Variants in SUPT3H observed in about 807,000 individuals in gnomAD.
SUPT3H encodes the protein SPT3 homolog, SAGA and STAGA complex component.
Under a neutral mutation model 44.3 loss-of-function variants are expected in SUPT3H, and 44 were observed. The ratio of observed to expected loss-of-function variants is 0.99; its 90% CI spans 0.78 to 1.28. The LOEUF (loss-of-function observed/expected upper bound fraction) is 1.28, where lower values mean the gene tolerates loss of function less well. Among genes scored for constraint, SUPT3H ranks in the 50% most tolerant of loss-of-function variants. The pLI, the probability that SUPT3H is intolerant of heterozygous loss-of-function variation, is 0.00. For synonymous variants in SUPT3H, 124 were observed against 125.6 expected (o/e 0.99, Z 0.09); for missense variants, 380 against 387.1 (o/e 0.98, Z 0.15).
At chr6:45,276,575 T>C (rs1777064232) in intron 2 of SUPT3H, among the ~76,000 whole-genome samples, 1 of 152,216 alleles carries the variant, frequency 6.6e-6, no homozygotes, top group South Asian at 2.1e-4. Context: ...TTCCCACTCA[T>C]TGAACCCTAG....
chr6:45,296,349 G>C (rs1391275788), intron 2 of SUPT3H, among the ~76,000 whole-genome samples: 3 of 152,014 alleles, frequency 2.0e-5, no homozygotes, highest in Admixed American at 6.6e-5. Context: ...TCACTAATAA[G>C]TGGGAGCTAA....
chr6:44,958,597 A>G (rs1023968265), intron 7 of SUPT3H, among the ~76,000 whole-genome samples: 2 of 152,164 alleles, frequency 1.3e-5, no homozygotes, highest in South Asian at 4.1e-4. Flanking sequence ...ACCTGGCGTC[A>G]ATGTCTTCAT....
At chr6:45,079,497 A>AAAGG (rs2153557615) in intron 3 of SUPT3H, among the ~76,000 whole-genome samples, 1 of 152,098 alleles carries the variant, frequency 6.6e-6, no homozygotes, top group Non-Finnish European at 1.5e-5. Flanking sequence ...AGGAAGAAAA[A>AAAGG]AAGGAAGGAA....
At chr6:45,020,946 A>G (rs1484580875) in intron 3 of SUPT3H, among the ~76,000 whole-genome samples, 2 of 151,968 alleles carry the variant, frequency 1.3e-5, no homozygotes, top group African/African-American at 2.4e-5. Context: ...ATGAAATTTT[A>G]TCCTTCATAC....
rs545907950 is a variant in SUPT3H, at chr6:45,102,209, A to T, written c.186+3713T>A. ...ACTGGTTACACAGTATTCTACAGTA[A>T]GGGAATATTAACACTTAAAAAACAA... On this transcript the variant is annotated intron_variant, in intron 3 of 10. Coordinates refer to ENST00000371459, the MANE Select transcript of SUPT3H (RefSeq NM_003599.4). 1.5e-4 allele frequency among the ~76,000 whole-genome samples: 23 copies of T among 152,330 alleles called. No homozygotes were observed. In the South Asian group the frequency reaches 1.7e-3, roughly 11 times the overall value.
chr6:44,859,746 C>G (rs1774309645), intron 10 of SUPT3H, among the ~76,000 whole-genome samples: 1 of 152,150 alleles, frequency 6.6e-6, no homozygotes, highest in Non-Finnish European at 1.5e-5. Flanking sequence ...TATCTTTTAA[C>G]TATTTTTCTA....
chr6:45,244,290 G>A (rs866441489), intron 2 of SUPT3H, among the ~76,000 whole-genome samples: 32 of 152,214 alleles, frequency 2.1e-4, no homozygotes, highest in Middle Eastern at 3.4e-3. Flanking sequence ...GCCTAGATAC[G>A]CTCCCACAGT....
At chr6:45,335,489 T>C (rs1222830223) in intron 2 of SUPT3H, among the ~76,000 whole-genome samples, 1 of 151,296 alleles carries the variant, frequency 6.6e-6, no homozygotes, top group African/African-American at 2.4e-5. Context: ...TATAAGATAC[T>C]TTAATGCAAA....
chr6:45,136,616 A>C (rs1383915592), intron 2 of SUPT3H, among the ~76,000 whole-genome samples: 2 of 152,102 alleles, frequency 1.3e-5, no homozygotes, highest in African/African-American at 2.4e-5. Flanking sequence ...TAAAAAAAAA[A>C]ACAGAAATTC....
chr6:45,145,586 A>C lies in SUPT3H; in HGVS notation c.102-39580T>G, dbSNP rs188008900. ...GATTCCAGAAAATAACATTAGACAA[A>C]GTCTTCTAGACATTGGCTTAGGGAA... On this transcript the variant is annotated intron_variant, in intron 2 of 10. Transcript: ENST00000371459. 2.2e-4 allele frequency among the ~76,000 whole-genome samples: 33 copies of C among 152,248 alleles called. No individual in the cohort carries two copies. In the East Asian group the frequency reaches 3.5e-3, roughly 16 times the overall value.
At position 45,161,305 on chromosome 6, in the gene SUPT3H, T is replaced by C. The variant is rs375251343; in HGVS notation, c.102-55299A>G. On this transcript the variant is annotated intron_variant, in intron 2 of 10. Coordinates refer to ENST00000371459, the MANE Select transcript of SUPT3H (RefSeq NM_003599.4). ...AACTCTTGTGTCCAGAAGGAAGCAT[T>C]ACCTGGGCCTGACTATAAAGGTGAC... Among the ~76,000 whole-genome samples the C allele has an allele frequency of 2.0e-5, 3 of 152,216 alleles. No homozygotes were observed. The East Asian group carries it at 5.8e-4, about 29-fold the overall frequency.
downstream of SUPT3H, among the ~76,000 whole-genome samples, chr6:44,823,653 G>C (rs998374176): frequency 6.6e-6 from 1 of 152,148 alleles, no homozygotes; most frequent in African/African-American, 2.4e-5. Flanking sequence ...TTTGGGATGT[G>C]AATGCAAGCT....
chr6:45,084,835 A>G (rs540215243), intron 3 of SUPT3H, among the ~76,000 whole-genome samples: 50 of 152,234 alleles, frequency 3.3e-4, no homozygotes, highest in Non-Finnish European at 6.8e-4. Flanking sequence ...GCTGGAGGCC[A>G]TTATCCTAAG....
At chr6:45,115,852 C>T (rs1300384166) in intron 2 of SUPT3H, among the ~76,000 whole-genome samples, 1 of 152,144 alleles carries the variant, frequency 6.6e-6, no homozygotes, top group African/African-American at 2.4e-5. Context: ...TTCCCACAAA[C>T]TTAAAGACAT....
intron 2 of SUPT3H, among the ~76,000 whole-genome samples, chr6:45,276,787 T>C (rs1335535989): frequency 6.6e-6 from 1 of 152,214 alleles, no homozygotes; most frequent in Non-Finnish European, 1.5e-5. Context: ...CAGAGCTGCC[T>C]AGCTGACCAT....
At chr6:45,098,866 T>A in intron 3 of SUPT3H, 1 of 549,048 alleles carries the variant, frequency 1.8e-6, no homozygotes, top group Non-Finnish European at 3.6e-6. Context: ...TGCTGAGAAG[T>A]CCTTTGATAA....
chr6:45,198,427 A>G (rs949531559), intron 2 of SUPT3H, among the ~76,000 whole-genome samples: 1 of 151,270 alleles, frequency 6.6e-6, no homozygotes, highest in Admixed American at 6.6e-5. Context: ...AAAACTAGAA[A>G]CCTTCCTCCT....
In SUPT3H at chr6:44,896,623, G is replaced by A. The variant is rs116587727; in HGVS notation, c.912+36030C>T. On this transcript the variant is annotated intron_variant, in intron 10 of 10. Transcript: ENST00000371459. ...ACAACAAAATTGGTTAACTGCAGAC[G>A]TCAAACCAGGTCTTCTGGTTCTTAT... 6.6e-3 allele frequency among the ~76,000 whole-genome samples: 998 copies of A among 152,244 alleles called. 13 individuals are homozygous for A. The highest frequency in any genetic ancestry group is 0.023 in the African/African-American group (939 of 41,552).
chr6:44,950,995 T>C (rs1774220562), intron 9 of SUPT3H, among the ~76,000 whole-genome samples: 1 of 152,036 alleles, frequency 6.6e-6, no homozygotes, highest in Non-Finnish European at 1.5e-5. Context: ...TTCCTAACTC[T>C]AGCAGTCTAA....
Sources: gnomAD v4.1 joint callset for allele counts (sites outside exome capture counted in the v4.1 genomes callset) on GRCh38, gnomAD v4.1.1 for gene constraint, MANE v1.5 for transcripts, NCBI Gene and HGNC (gene_info 2026-07-23, HGNC 2026-07-21) for gene names.